Variants in ADGRA3 observed in about 807,000 individuals in gnomAD.
ADGRA3 encodes the protein adhesion G protein-coupled receptor A3.
In ADGRA3, 56 loss-of-function variants were observed where a neutral mutation model predicts 119.8. That is an observed-to-expected ratio of 0.47 (90% CI 0.38 to 0.58). ADGRA3 has a LOEUF of 0.58. Ranked by LOEUF, ADGRA3 falls within the 20% of genes least tolerant of loss-of-function variation. The pLI, the probability that ADGRA3 is intolerant of heterozygous loss-of-function variation, is 0.00. For synonymous variants in ADGRA3, 607 were observed against 623.8 expected (o/e 0.97, Z 0.40); for missense variants, 1,516 against 1,649.0 (o/e 0.92, Z 1.40).
chr4:22,427,120 G>A (rs1320365760), intron 10 of ADGRA3, among the ~76,000 whole-genome samples: 1 of 152,128 alleles, frequency 6.6e-6, no homozygotes, highest in East Asian at 1.9e-4. Context: ...AAAAATAAAA[G>A]AGGTAAAAGA....
At position 22,515,631 on chromosome 4, in the gene ADGRA3, C is replaced by G. The variant is rs1291221163; in HGVS notation, c.154G>C (p.Ala52Pro). Residue 52 changes from alanine (A) to proline (P), a missense_variant, in exon 1 of 19, where the codon GCT becomes CCT. By Grantham distance (27) the Ala-to-Pro change is conservative (BLOSUM62 -1). Transcript: ENST00000334304. Reference protein sequence around the residue: ...GCKHDGRPRGAGRAAGAAEGK... With the variant: ...GCKHDGRPRGPGRAAGAAEGK... ...TCGGCGGCGCCCGCCGCCCTGCCAG[C>G]CCCTCGGGGCCGCCCATCGTGCTTG... The G allele has an allele frequency of 1.3e-5, 19 of 1,489,422 alleles. No individual in the cohort carries two copies. In the Admixed American group the frequency reaches 1.7e-4, roughly 14 times the overall value. The allele number at this position is 1,489,422 out of a possible 1,614,324, so 92.3% of individuals were successfully genotyped here.
At chr4:22,484,383 T>C (rs981476762) in intron 1 of ADGRA3, among the ~76,000 whole-genome samples, 3 of 152,106 alleles carry the variant, frequency 2.0e-5, no homozygotes, top group Admixed American at 6.5e-5. Context: ...GGCGGGTGGA[T>C]CACTTGAGGT....
chr4:22,430,616 A>G (rs1444591964), intron 10 of ADGRA3, among the ~76,000 whole-genome samples: 3 of 152,174 alleles, frequency 2.0e-5, no homozygotes, highest in African/African-American at 7.2e-5. Context: ...AGAAAAGCAG[A>G]GCACAGAAGT....
At chr4:22,496,399 C>T (rs1317722376) in intron 1 of ADGRA3, among the ~76,000 whole-genome samples, 2 of 152,186 alleles carry the variant, frequency 1.3e-5, no homozygotes, top group East Asian at 3.9e-4. Context: ...ACATTTAAAA[C>T]ACTTACCACA....
chr4:22,434,204 AAT>A (rs199728150), intron 10 of ADGRA3, among the ~76,000 whole-genome samples: 11,238 of 147,066 alleles, frequency 0.076, 461 homozygotes, highest in Middle Eastern at 0.12. Context: ...TATATTATAT[AAT>A]ATATTAGAAT....
chr4:22,406,728 C>T (rs561041666), intron 14 of ADGRA3, among the ~76,000 whole-genome samples: 23 of 152,002 alleles, frequency 1.5e-4, no homozygotes, highest in Non-Finnish European at 7.4e-5. Context: ...CCTGCCCACA[C>T]GCAAAGAGGT....
chr4:22,499,102 G>A (rs1718956763), intron 1 of ADGRA3, among the ~76,000 whole-genome samples: 1 of 152,108 alleles, frequency 6.6e-6, no homozygotes, highest in African/African-American at 2.4e-5. Flanking sequence ...AGTACAAGTA[G>A]CCCCAATGCC....
chr4:22,448,468 T>A (rs1716908326), intron 4 of ADGRA3, among the ~76,000 whole-genome samples: 1 of 151,976 alleles, frequency 6.6e-6, no homozygotes, highest in Admixed American at 6.6e-5. Context: ...GAGGTGGGGG[T>A]GGAACACAGC....
At chr4:22,411,473 C>A (rs1464675928) in intron 14 of ADGRA3, among the ~76,000 whole-genome samples, 1 of 152,096 alleles carries the variant, frequency 6.6e-6, no homozygotes, top group African/African-American at 2.4e-5. Context: ...GTGGTGCCTG[C>A]CTGTAATCCC....
At chr4:22,507,720 C>T (rs560332665) in intron 1 of ADGRA3, among the ~76,000 whole-genome samples, 1 of 152,292 alleles carries the variant, frequency 6.6e-6, no homozygotes, top group African/African-American at 2.4e-5. Context: ...AAGCTTACAA[C>T]TTGCATTCAT....
rs773114640 is a variant in ADGRA3, at chr4:22,422,599, G to C, written c.1606-1510C>G. 1.1e-3 allele frequency among the ~76,000 whole-genome samples: 164 copies of C among 152,004 alleles called. 1 individual carries two copies. The highest frequency in any genetic ancestry group is 1.8e-3 in the Non-Finnish European group (124 of 67,990). ...TTGGTTGAAAGAAATCTGTCATTTTGAGGCACCTGTGAAGCCATATCATTT... is the reference window on the plus strand; with the variant it reads ...TTGGTTGAAAGAAATCTGTCATTTTCAGGCACCTGTGAAGCCATATCATTT... On this transcript the variant is annotated intron_variant, in intron 11 of 18. Coordinates refer to ENST00000334304, the MANE Select transcript of ADGRA3 (RefSeq NM_145290.4).
intron 12 of ADGRA3, 96 bp from the exon 13 acceptor site, chr4:22,413,910 G>T (rs1715327213): frequency 1.3e-6 from 1 of 780,852 alleles, no homozygotes; most frequent in Non-Finnish European, 1.9e-6. Context: ...GTATAATTAG[G>T]TTGACTTCAT....
At chr4:22,454,007 T>A (rs1276843987) in intron 4 of ADGRA3, among the ~76,000 whole-genome samples, 1 of 151,996 alleles carries the variant, frequency 6.6e-6, no homozygotes, top group African/African-American at 2.4e-5. Context: ...ACTACAGGCA[T>A]GTGCCACCAC....
At chr4:22,458,308 C>A (rs1211301058) in intron 3 of ADGRA3, among the ~76,000 whole-genome samples, 1 of 152,158 alleles carries the variant, frequency 6.6e-6, no homozygotes, top group Non-Finnish European at 1.5e-5. Context: ...TGCTGCCCCT[C>A]AACTCCCTAA....
At chr4:22,490,185 G>A (rs1022677053) in intron 1 of ADGRA3, among the ~76,000 whole-genome samples, 19 of 151,986 alleles carry the variant, frequency 1.3e-4, no homozygotes, top group African/African-American at 4.4e-4. Flanking sequence ...ATAGCATTTC[G>A]TTAAGAAAAA....
At chr4:22,493,845 G>A (rs540011404) in intron 1 of ADGRA3, among the ~76,000 whole-genome samples, 301 of 152,152 alleles carry the variant, frequency 2.0e-3, no homozygotes, top group Non-Finnish European at 3.2e-3. Context: ...AAAAAACCTC[G>A]CTAATAAAAC....
intron 1 of ADGRA3, among the ~76,000 whole-genome samples, chr4:22,510,808 T>C (rs1011318195): frequency 1.3e-5 from 2 of 152,196 alleles, no homozygotes; most frequent in African/African-American, 4.8e-5. Flanking sequence ...TCTCCCCTGT[T>C]TGGGCTTCCT....
chr4:22,498,567 G>A (rs879607827), intron 1 of ADGRA3, among the ~76,000 whole-genome samples: 11 of 151,770 alleles, frequency 7.2e-5, no homozygotes, highest in Non-Finnish European at 1.6e-4. Flanking sequence ...GTAGTAAGCC[G>A]AGATTGTGCC....
At chr4:22,411,868 C>T (rs192523256) in intron 14 of ADGRA3, among the ~76,000 whole-genome samples, 46 of 151,694 alleles carry the variant, frequency 3.0e-4, no homozygotes, top group African/African-American at 9.9e-4. Flanking sequence ...AAAGATAATC[C>T]CTTTACTCTG....
Sources: allele counts gnomAD v4.1 joint callset (sites outside exome capture counted in the v4.1 genomes callset), GRCh38; gene constraint gnomAD v4.1.1; transcripts MANE v1.5; gene names NCBI Gene and HGNC (gene_info 2026-07-23, HGNC 2026-07-21).